TESK2: variants seen among roughly 807,000 people sequenced by gnomAD.
TESK2 encodes the protein dual specificity testis-specific protein kinase 2.
A neutral mutation model predicts 57.1 loss-of-function variants in TESK2; 39 were observed. The ratio of observed to expected loss-of-function variants is 0.68; its 90% confidence interval spans 0.53 to 0.89. The LOEUF is 0.89. TESK2 is among the 40% of genes least tolerant of loss of function. The pLI is 0.00. For missense variants in TESK2, 646 were observed against 732.1 expected (o/e 0.88, Z 1.36); for synonymous variants, 249 against 267.9 (o/e 0.93, Z 0.69).
intron 1 of TESK2, among the ~76,000 whole-genome samples, chr1:45,458,399 T>C (rs886248137): frequency 6.6e-6 from 1 of 152,116 alleles, no homozygotes; most frequent in Non-Finnish European, 1.5e-5. Context: ...ACCCCATCTC[T>C]ACTAAAAATA....
At chr1:45,388,674 T>C (rs937266633) in intron 3 of TESK2, among the ~76,000 whole-genome samples, 15 of 151,700 alleles carry the variant, frequency 9.9e-5, no homozygotes, top group African/African-American at 3.6e-4. Context: ...CCAAAACTCA[T>C]AGTGAAACTT....
chr1:45,453,789 C>A (rs1236045355), intron 2 of TESK2, among the ~76,000 whole-genome samples: 8 of 152,020 alleles, frequency 5.3e-5, no homozygotes, highest in Non-Finnish European at 1.0e-4. Context: ...AATCATATAT[C>A]TGGTAAGGGA....
intron 4 of TESK2, among the ~76,000 whole-genome samples, chr1:45,366,123 G>T (rs1647904651): frequency 6.6e-6 from 1 of 151,180 alleles, no homozygotes; most frequent in Admixed American, 6.6e-5. Context: ...TTATTTATTT[G>T]TCACCCAGGC....
chr1:45,469,014 T>A (rs1652662566), intron 1 of TESK2, among the ~76,000 whole-genome samples: 1 of 152,186 alleles, frequency 6.6e-6, no homozygotes, highest in Non-Finnish European at 1.5e-5. Context: ...AACTTAAATA[T>A]TATAAACTTG....
chr1:45,372,078 A>G (rs545442413), intron 4 of TESK2, among the ~76,000 whole-genome samples: 11 of 151,952 alleles, frequency 7.2e-5, no homozygotes, highest in African/African-American at 2.4e-4. Flanking sequence ...GCGAGACCTC[A>G]TATTTACAAA....
intron 3 of TESK2, among the ~76,000 whole-genome samples, chr1:45,390,627 G>A (rs1366459066): frequency 1.3e-5 from 2 of 150,534 alleles, no homozygotes; most frequent in African/African-American, 4.9e-5. Flanking sequence ...CCAGGCTGGA[G>A]TGCAGTGGTG....
chr1:45,442,427 A>T (rs1651482915), intron 2 of TESK2, among the ~76,000 whole-genome samples: 1 of 152,182 alleles, frequency 6.6e-6, no homozygotes, highest in Non-Finnish European at 1.5e-5. Context: ...TGAGACTAGA[A>T]CAATCATTTT....
chr1:45,394,096 T>C (rs1649257152), intron 3 of TESK2, among the ~76,000 whole-genome samples: 1 of 152,118 alleles, frequency 6.6e-6, no homozygotes, highest in African/African-American at 2.4e-5. Flanking sequence ...TACTCAACTT[T>C]GTTATTTTTA....
intron 2 of TESK2, among the ~76,000 whole-genome samples, chr1:45,423,489 G>A (rs1304892111): frequency 2.0e-5 from 3 of 151,690 alleles, no homozygotes; most frequent in Admixed American, 6.6e-5. Context: ...CCTGGGAGGC[G>A]GGGCCCGCAG....
chr1:45,474,268 C>T (rs1423656846), intron 1 of TESK2, among the ~76,000 whole-genome samples: 2 of 151,978 alleles, frequency 1.3e-5, no homozygotes, highest in Non-Finnish European at 2.9e-5. Context: ...ACCCAGGAGG[C>T]GGAGCCTGCA....
intron 1 of TESK2, among the ~76,000 whole-genome samples, chr1:45,490,259 G>A (rs1570787334): frequency 6.6e-6 from 1 of 152,144 alleles, no homozygotes; most frequent in African/African-American, 2.4e-5. Flanking sequence ...TTTAAATTAC[G>A]CAAACCTGGA....
At chr1:45,378,601 C>T (rs1300069940) in intron 4 of TESK2, among the ~76,000 whole-genome samples, 3 of 152,176 alleles carry the variant, frequency 2.0e-5, no homozygotes, top group Non-Finnish European at 4.4e-5. Flanking sequence ...GTCACTCCAG[C>T]TGACACATAT....
intron 5 of TESK2, 87 bp from the exon 6 acceptor site, chr1:45,348,087 C>G (rs1570634443): frequency 1.1e-6 from 1 of 890,594 alleles, no homozygotes; most frequent in Non-Finnish European, 1.9e-6. Flanking sequence ...CCCTTCCTAT[C>G]ACAGGGCACC....
intron 2 of TESK2, 51 bp downstream of exon 2, chr1:45,457,513 G>T: frequency 6.4e-7 from 1 of 1,552,358 alleles, no homozygotes; most frequent in Non-Finnish European, 8.9e-7. Context: ...TCAACCTGCA[G>T]TAAATGTGAC....
Position 45,344,992 on chromosome 1 carries a change from TTTC to T in TESK2, c.1561_1563del (p.Glu521del), listed in dbSNP as rs745784273. 1.1e-5 allele frequency: 17 copies of T among 1,614,090 alleles called. No homozygotes were observed. In the East Asian group the frequency reaches 3.3e-4, roughly 32 times the overall value. On this transcript the variant is annotated inframe_deletion, in exon 11 of 11. Transcript: ENST00000372086. ...CCCTGGGGCCTGGACCCAAAACCAT[TTTC>T]TTCCTGGAGAATGGAGCAGTCCATA... is the stretch of plus-strand genomic sequence containing the variant.
intron 1 of TESK2, among the ~76,000 whole-genome samples, chr1:45,485,963 A>C (rs1028654755): frequency 3.3e-5 from 5 of 152,178 alleles, no homozygotes; most frequent in Non-Finnish European, 7.3e-5. Flanking sequence ...CATATAGTTA[A>C]TAACAACAGA....
chr1:45,434,965 T>C (rs2149291609), intron 2 of TESK2, among the ~76,000 whole-genome samples: 1 of 150,604 alleles, frequency 6.6e-6, no homozygotes, highest in African/African-American at 2.4e-5. Flanking sequence ...CTTTCTTTTT[T>C]TTTTTTTTCT....
chr1:45,440,939 C>T (rs925492496), intron 2 of TESK2, among the ~76,000 whole-genome samples: 1 of 152,096 alleles, frequency 6.6e-6, no homozygotes, highest in African/African-American at 2.4e-5. Flanking sequence ...CTGAATGCTT[C>T]CAACAACCAC....
intron 9 of TESK2, 52 bp downstream of exon 9, chr1:45,346,641 G>A (rs1049632272): frequency 6.6e-7 from 1 of 1,509,502 alleles, no homozygotes; most frequent in African/African-American, 1.4e-5. Flanking sequence ...CTAACCAGGT[G>A]AAAAGGGTTC....
Sources: allele counts gnomAD v4.1 joint callset (sites outside exome capture counted in the v4.1 genomes callset), GRCh38; gene constraint gnomAD v4.1.1; transcripts MANE v1.5; gene names NCBI Gene and HGNC (gene_info 2026-07-23, HGNC 2026-07-21).